CAMKMT: variants seen among roughly 807,000 people sequenced by gnomAD.
The protein encoded by CAMKMT is CaM KMT.
A neutral mutation model predicts 48.0 loss-of-function variants in CAMKMT; 53 were observed. That is an observed-to-expected ratio of 1.10 (90% CI 0.89 to 1.39). CAMKMT has a LOEUF of 1.39. Among genes scored for constraint, CAMKMT ranks in the 40% most tolerant of loss-of-function variants. CAMKMT has a pLI of 0.00. For missense variants in CAMKMT, 428 were observed against 402.7 expected (o/e 1.06, Z -0.54); for synonymous variants, 165 against 152.3 (o/e 1.08, Z -0.61).
chr2:44,631,453 A>G lies in CAMKMT; in HGVS notation c.377-72830A>G, dbSNP rs1467364153. ...AGGAAATACAAATCAAAGAGTTTAA[A>G]TAAGAAAAAAAAACAATTTTTTATT... is the stretch of plus-strand genomic sequence containing the variant. On this transcript the variant is annotated intron_variant, in intron 3 of 10. Transcript: ENST00000378494. 1.0e-5 allele frequency: 6 copies of G among 595,892 alleles called. No individual in the cohort carries two copies. The Admixed American group carries it at 1.4e-4, about 14-fold the overall frequency. 36.9% of individuals were successfully genotyped at this position (595,892 alleles called of 1,614,324 possible). A position where few individuals can be genotyped will look rare whatever the true frequency, so the allele number is the denominator to read the frequency against.
chr2:44,771,106 A>G (rs1038592128), intron 10 of CAMKMT, among the ~76,000 whole-genome samples: 4 of 152,160 alleles, frequency 2.6e-5, no homozygotes, highest in Non-Finnish European at 2.9e-5. Flanking sequence ...AGAGGGACCA[A>G]CCTGGGAGAG....
chr2:44,531,589 T>C (rs1666488525), intron 3 of CAMKMT, among the ~76,000 whole-genome samples: 1 of 152,140 alleles, frequency 6.6e-6, no homozygotes, highest in South Asian at 2.1e-4. Context: ...TTTGTTCTGG[T>C]CATGTATCCC....
At chr2:44,488,740 C>T (rs1364515324) in intron 3 of CAMKMT, among the ~76,000 whole-genome samples, 1 of 151,676 alleles carries the variant, frequency 6.6e-6, no homozygotes. Flanking sequence ...AAAACCCAAA[C>T]TTATTTGTAA....
At chr2:44,394,260 C>T (rs1681613764) in intron 3 of CAMKMT, among the ~76,000 whole-genome samples, 1 of 151,982 alleles carries the variant, frequency 6.6e-6, no homozygotes, top group African/African-American at 2.4e-5. Context: ...TAAAACTTCT[C>T]TACTATTCTT....
chr2:44,410,154 G>T (rs1029558603), intron 3 of CAMKMT, among the ~76,000 whole-genome samples: 3 of 134,970 alleles, frequency 2.2e-5, no homozygotes, highest in African/African-American at 9.3e-5. Context: ...TACTACCAAA[G>T]AAGCAGAATG....
chr2:44,700,643 T>C (rs550615052), intron 3 of CAMKMT, among the ~76,000 whole-genome samples: 10 of 152,184 alleles, frequency 6.6e-5, no homozygotes, highest in Non-Finnish European at 1.5e-4. Flanking sequence ...CTAGCTATCT[T>C]ATATGGACGC....
intron 9 of CAMKMT, among the ~76,000 whole-genome samples, chr2:44,757,317 T>C (rs1680423345): frequency 1.3e-5 from 2 of 152,200 alleles, no homozygotes; most frequent in South Asian, 4.1e-4. Flanking sequence ...ACCTGTGCTC[T>C]CATAGAGTTC....
intron 3 of CAMKMT, among the ~76,000 whole-genome samples, chr2:44,684,462 G>A (rs905554984): frequency 6.6e-6 from 1 of 151,494 alleles, no homozygotes; most frequent in African/African-American, 2.4e-5. Context: ...TTAAGGTTAC[G>A]AATTTTATCA....
rs867206727 is a variant in CAMKMT at position 44,362,136 on chromosome 2, C to T, written c.129C>T (p.Leu43=). ...SAPLGAARWK[L]LRQVLKQKHL... The stretch of plus-strand genomic sequence containing the variant: ...CCCTGGGAGCCGCCCGGTGGAAGCT[C>T]CTGCGGCAGGTAAGGGAGAACCTGC... Residue 43 remains leucine, a synonymous_variant, in exon 1 of 11, where the codon CTC becomes CTT. Coordinates refer to ENST00000378494, the MANE Select transcript of CAMKMT (RefSeq NM_024766.5). The T allele has an allele frequency of 1.6e-5, 24 of 1,477,802 alleles. No individual in the cohort carries two copies. The highest frequency in any genetic ancestry group is 2.1e-5 in the Non-Finnish European group (24 of 1,125,850). 91.5% of individuals were successfully genotyped at this position (1,477,802 alleles called of 1,614,324 possible).
chr2:44,587,648 C>CT lies in CAMKMT; in HGVS notation c.377-116623dup, dbSNP rs1246903694. Among the ~76,000 whole-genome samples, 94 of 22,322 alleles carry CT rather than the reference C, an allele frequency of 4.2e-3. 3 individuals are homozygous for CT. Among genetic ancestry groups the CT allele is most frequent in the East Asian group, 7.0e-3 (17 of 2,416 alleles). The allele number at this position is 22,322 out of a possible 152,430, so 14.6% of individuals were successfully genotyped here. A position where few individuals can be genotyped will look rare whatever the true frequency, so the allele number is the denominator to read the frequency against. On this transcript the variant is annotated intron_variant, in intron 3 of 10. Transcript: ENST00000378494. ...GCGCCGCCACGCCTGACTGGTTTTCCTTTTTTTTTTTTGGTGGAGACGGGG... is the reference window on the plus strand; with the variant it reads ...GCGCCGCCACGCCTGACTGGTTTTCCTTTTTTTTTTTTTGGTGGAGACGGGG...
At chr2:44,493,671 TG>T (rs1206468173) in intron 3 of CAMKMT, among the ~76,000 whole-genome samples, 1 of 152,230 alleles carries the variant, frequency 6.6e-6, no homozygotes, top group Non-Finnish European at 1.5e-5. Flanking sequence ...GACTAAACTT[TG>T]AGAGCTCCTT....
chr2:44,735,677 G>A (rs1174387201), intron 7 of CAMKMT, among the ~76,000 whole-genome samples: 3 of 151,750 alleles, frequency 2.0e-5, no homozygotes, highest in Admixed American at 6.6e-5. Flanking sequence ...CAAAGTGGGC[G>A]GATCACTTAA....
At chr2:44,685,926 C>T (rs1437703576) in intron 3 of CAMKMT, among the ~76,000 whole-genome samples, 4 of 151,748 alleles carry the variant, frequency 2.6e-5, no homozygotes, top group Non-Finnish European at 5.9e-5. Context: ...TATTTTGTGT[C>T]CTCTTTTAAC....
chr2:44,661,310 C>CTTTTT (rs764984677), intron 3 of CAMKMT, among the ~76,000 whole-genome samples: 84 of 89,180 alleles, frequency 9.4e-4, no homozygotes, highest in African/African-American at 1.8e-3. Flanking sequence ...TGTGAGCAGC[C>CTTTTT]TTTTTTTTTT....
intron 7 of CAMKMT, among the ~76,000 whole-genome samples, chr2:44,726,192 G>C (rs1334943595): frequency 6.6e-6 from 1 of 152,148 alleles, no homozygotes; most frequent in African/African-American, 2.4e-5. Context: ...TAAGTTCTTT[G>C]AGAAATTTTC....
chr2:44,676,714 T>C (rs1316293801), intron 3 of CAMKMT: 1 of 152,200 alleles, frequency 6.6e-6, no homozygotes, highest in Non-Finnish European at 1.5e-5. Context: ...GGTGTTTGGC[T>C]AGTCACCTGA....
intron 9 of CAMKMT, among the ~76,000 whole-genome samples, chr2:44,765,752 A>C (rs565196068): frequency 6.6e-6 from 1 of 152,196 alleles, no homozygotes; most frequent in East Asian, 1.9e-4. Flanking sequence ...GTTTACCCTC[A>C]TTATACCACT....
At chr2:44,728,206 G>A (rs886087722) in intron 7 of CAMKMT, among the ~76,000 whole-genome samples, 4 of 152,260 alleles carry the variant, frequency 2.6e-5, no homozygotes, top group South Asian at 4.2e-4. Flanking sequence ...GATTACAGGC[G>A]TGATCCAGTG....
intron 9 of CAMKMT, among the ~76,000 whole-genome samples, chr2:44,754,333 G>T (rs1558836704): frequency 6.6e-6 from 1 of 152,146 alleles, no homozygotes; most frequent in Non-Finnish European, 1.5e-5. Context: ...AAACACAGTG[G>T]GTAGTGAAAT....
Sources: gnomAD v4.1 joint callset for allele counts (sites outside exome capture counted in the v4.1 genomes callset) on GRCh38, gnomAD v4.1.1 for gene constraint, MANE v1.5 for transcripts, NCBI Gene and HGNC (gene_info 2026-07-23, HGNC 2026-07-21) for gene names.